The following CEP70 variants were observed in gnomAD, a reference collection of about 807,000 sequenced individuals.
CEP70 encodes the protein centrosomal protein 70, also known as centrosomal protein of 70 kDa.
CEP70 carries 70 observed loss-of-function variants against 90.9 expected under a neutral mutation model. The observed-to-expected ratio is 0.77, with a 90% CI of 0.64 to 0.94. CEP70 has a LOEUF of 0.94. Ranked by LOEUF, CEP70 falls within the 40% of genes least tolerant of loss-of-function variation. The probability of loss-of-function intolerance (pLI) is 0.00; values close to 1 mark genes in which losing one functional copy is unlikely to be tolerated. For synonymous variants in CEP70, 220 were observed against 228.3 expected (o/e 0.96, Z 0.33); for missense variants, 648 against 669.0 (o/e 0.97, Z 0.35).
At chr3:138,498,823 G>A (rs2034199683) in intron 16 of CEP70, among the ~76,000 whole-genome samples, 1 of 151,732 alleles carries the variant, frequency 6.6e-6, no homozygotes, top group African/African-American at 2.4e-5. Context: ...AAGGCAGGAG[G>A]ATCACTTGAG....
intron 8 of CEP70, chr3:138,531,592 G>A (rs964047317): frequency 6.6e-6 from 1 of 152,006 alleles, no homozygotes; most frequent in African/African-American, 2.4e-5. Context: ...AAGTCAGAAG[G>A]TCCCTGAAGC....
chr3:138,588,761 T>C (rs1010627161), intron 2 of CEP70, among the ~76,000 whole-genome samples: 2 of 152,204 alleles, frequency 1.3e-5, no homozygotes, highest in Admixed American at 1.3e-4. Flanking sequence ...AAGCATTATG[T>C]CCACACAAAG....
chr3:138,545,249 A>C lies in CEP70; in HGVS notation c.466-7902T>G, dbSNP rs1302805417. ...CAGGGCAGAGGAACATAAATTGTGAAGATTTCATGGACATTTATCAGTTCC... is the reference window on the plus strand; with the variant it reads ...CAGGGCAGAGGAACATAAATTGTGACGATTTCATGGACATTTATCAGTTCC... On this transcript the variant is annotated intron_variant, in intron 6 of 17. Coordinates refer to ENST00000264982, the MANE Select transcript of CEP70 (RefSeq NM_024491.4). Among the ~76,000 whole-genome samples, 5 of 152,204 alleles carry C rather than the reference A, an allele frequency of 3.3e-5. No individual in the cohort carries two copies. The South Asian group carries it at 6.2e-4, about 19-fold the overall frequency.
At chr3:138,584,390 G>C (rs1283021646) in intron 2 of CEP70, among the ~76,000 whole-genome samples, 1 of 150,642 alleles carries the variant, frequency 6.6e-6, no homozygotes, top group Non-Finnish European at 1.5e-5. Flanking sequence ...GAATGGAAGA[G>C]GAGGGAATAC....
At chr3:138,581,365 AAG>A (rs1432972740) in intron 2 of CEP70, among the ~76,000 whole-genome samples, 1 of 151,948 alleles carries the variant, frequency 6.6e-6, no homozygotes, top group Non-Finnish European at 1.5e-5. Context: ...GGGCAAATCT[AAG>A]AGTTATTGGC....
intron 6 of CEP70, among the ~76,000 whole-genome samples, chr3:138,539,757 A>G (rs2038594631): frequency 2.0e-5 from 3 of 152,238 alleles, no homozygotes; most frequent in Admixed American, 2.0e-4. Context: ...TCAAAGAAAT[A>G]GTAACAGAAA....
intron 6 of CEP70, among the ~76,000 whole-genome samples, chr3:138,568,789 G>C (rs532954390): frequency 6.6e-6 from 1 of 152,024 alleles, no homozygotes; most frequent in South Asian, 2.1e-4. Flanking sequence ...GACCAGCCTA[G>C]CCAAGATAGT....
At chr3:138,513,968 A>C (rs1182126235) in intron 11 of CEP70, among the ~76,000 whole-genome samples, 2 of 152,034 alleles carry the variant, frequency 1.3e-5, no homozygotes, top group African/African-American at 2.4e-5. Context: ...AAAAAAACAA[A>C]CAAACTCAAT....
At chr3:138,555,082 C>A (rs1475681881) in intron 6 of CEP70, among the ~76,000 whole-genome samples, 1 of 152,040 alleles carries the variant, frequency 6.6e-6, no homozygotes, top group Non-Finnish European at 1.5e-5. Context: ...AACCCTGTCT[C>A]TACTAAAAAT....
rs947057938 is a variant in CEP70, at chr3:138,594,179, AG to A, written c.-109+18del. On this transcript the variant is annotated intron_variant, in intron 1 of 17. Coordinates refer to ENST00000264982, the MANE Select transcript of CEP70 (RefSeq NM_024491.4). Reference sequence around the variant, plus strand: ...AGGGGCTCACGCCGACGCCTCTGAGAGCCCCGAGAGCCACTCACCTTACTCA... The same window carrying A: ...AGGGGCTCACGCCGACGCCTCTGAGACCCCGAGAGCCACTCACCTTACTCA... The A allele has an allele frequency of 6.2e-4, 94 of 152,512 alleles. No homozygotes were observed. Among genetic ancestry groups the A allele is most frequent in the African/African-American group, 2.2e-3 (91 of 41,568 alleles). The allele number at this position is 152,512 out of a possible 1,614,324, so 9.4% of individuals were successfully genotyped here. A position where few individuals can be genotyped will look rare whatever the true frequency, so the allele number is the denominator to read the frequency against.
At chr3:138,505,993 A>T (rs988974353) in intron 12 of CEP70, among the ~76,000 whole-genome samples, 1 of 152,244 alleles carries the variant, frequency 6.6e-6, no homozygotes, top group South Asian at 2.1e-4. Flanking sequence ...TAAAGTTGAA[A>T]CAAAATTAAC....
intron 11 of CEP70, among the ~76,000 whole-genome samples, chr3:138,515,877 C>T (rs1294943943): frequency 6.6e-6 from 1 of 152,108 alleles, no homozygotes; most frequent in African/African-American, 2.4e-5. Context: ...TCTCAATCTC[C>T]TATCTCATTA....
chr3:138,583,984 C>T (rs1168121290), intron 2 of CEP70, among the ~76,000 whole-genome samples: 2 of 151,676 alleles, frequency 1.3e-5, no homozygotes, highest in Non-Finnish European at 2.9e-5. Context: ...AACAATAAAA[C>T]AAAAAGTTGG....
At position 138,515,756 on chromosome 3, in the gene CEP70, T is replaced by C. The variant is rs115607674; in HGVS notation, c.945-7212A>G. Among the ~76,000 whole-genome samples, 723 of 152,278 alleles carry C rather than the reference T, an allele frequency of 4.7e-3. 4 individuals carry two copies. The highest frequency in any genetic ancestry group is 0.017 in the African/African-American group (696 of 41,558). On this transcript the variant is annotated intron_variant, in intron 11 of 17. Coordinates refer to ENST00000264982, the MANE Select transcript of CEP70 (RefSeq NM_024491.4). ...CTACGTATGTGTAAGTGCATACACA[T>C]GTGTACGTGTGTGTGTGCATGTTAT...
intron 11 of CEP70, among the ~76,000 whole-genome samples, chr3:138,524,053 C>T (rs1292059333): frequency 9.6e-6 from 1 of 103,940 alleles, no homozygotes; most frequent in East Asian, 2.4e-4. Context: ...CAGAACAGAG[C>T]CCTCAGAAAT....
At chr3:138,571,842 G>A (rs927576430) in intron 3 of CEP70, among the ~76,000 whole-genome samples, 4 of 152,096 alleles carry the variant, frequency 2.6e-5, no homozygotes, top group Middle Eastern at 3.2e-3. Flanking sequence ...GCAGCGGTAC[G>A]ATCTCGGCTC....
chr3:138,583,449 A>C (rs1354579405), intron 2 of CEP70, among the ~76,000 whole-genome samples: 1 of 152,240 alleles, frequency 6.6e-6, no homozygotes, highest in Non-Finnish European at 1.5e-5. Flanking sequence ...ACTATAGAAC[A>C]AATGGACCTA....
intron 11 of CEP70, among the ~76,000 whole-genome samples, chr3:138,520,176 C>A: frequency 6.6e-6 from 1 of 152,200 alleles, no homozygotes. Context: ...CACCCAGATT[C>A]ATAAAGCAAG....
intron 2 of CEP70, among the ~76,000 whole-genome samples, chr3:138,574,063 G>T (rs1332445729): frequency 6.6e-6 from 1 of 152,120 alleles, no homozygotes; most frequent in African/African-American, 2.4e-5. Flanking sequence ...TCCAACTGAG[G>T]TACCTGGTTC....
Sources: gnomAD v4.1 joint callset for allele counts (sites outside exome capture counted in the v4.1 genomes callset) on GRCh38, gnomAD v4.1.1 for gene constraint, MANE v1.5 for transcripts, NCBI Gene and HGNC (gene_info 2026-07-23, HGNC 2026-07-21) for gene names.